ROBO2: variants seen among roughly 807,000 people sequenced by gnomAD.
The protein encoded by ROBO2 is roundabout homolog 2.
Under a neutral mutation model 160.8 loss-of-function variants are expected in ROBO2, and 53 were observed. The observed-to-expected ratio is 0.33, with a 90% CI of 0.26 to 0.41. The LOEUF (loss-of-function observed/expected upper bound fraction) is 0.41. Among genes scored for constraint, ROBO2 ranks in the 10% least tolerant of loss-of-function variants. The pLI, the probability that ROBO2 is intolerant of heterozygous loss-of-function variation, is 1.00. For missense variants in ROBO2, 1,577 were observed against 1,722.4 expected (o/e 0.92, Z 1.49); for synonymous variants, 664 against 611.7 (o/e 1.09, Z -1.26).
intron 2 of ROBO2, among the ~76,000 whole-genome samples, chr3:77,308,094 C>CTT (rs75267801): frequency 1.6e-4 from 22 of 136,744 alleles, no homozygotes; most frequent in African/African-American, 3.4e-4. Context: ...GGAGATATTT[C>CTT]TTTTTTTTTT....
intron 2 of ROBO2, among the ~76,000 whole-genome samples, chr3:77,226,036 C>A (rs1055267814): frequency 6.6e-6 from 1 of 151,920 alleles, no homozygotes; most frequent in African/African-American, 2.4e-5. Flanking sequence ...TGGAACATTA[C>A]TGGAATGAAA....
At chr3:77,253,473 T>C (rs1184408820) in intron 2 of ROBO2, among the ~76,000 whole-genome samples, 1 of 152,190 alleles carries the variant, frequency 6.6e-6, no homozygotes, top group Non-Finnish European at 1.5e-5. Context: ...AAAAATAATA[T>C]TAAATTTTAT....
At chr3:76,353,884 G>A (rs1003180140) in intron 2 of ROBO2, among the ~76,000 whole-genome samples, 2 of 151,860 alleles carry the variant, frequency 1.3e-5, no homozygotes, top group Non-Finnish European at 1.5e-5. Flanking sequence ...TGGGGCATTT[G>A]CAAATCTCAG....
chr3:76,302,742 T>A (rs1328499815), intron 2 of ROBO2, among the ~76,000 whole-genome samples: 1 of 152,154 alleles, frequency 6.6e-6, no homozygotes, highest in East Asian at 1.9e-4. Flanking sequence ...CGTAGCAAAC[T>A]ATACCATCTA....
intron 1 of ROBO2, among the ~76,000 whole-genome samples, chr3:75,914,323 G>A (rs1274866698): frequency 6.6e-6 from 1 of 152,054 alleles, no homozygotes; most frequent in Non-Finnish European, 1.5e-5. Flanking sequence ...GTTTACAGTT[G>A]TAGAAATTTC....
intron 2 of ROBO2, among the ~76,000 whole-genome samples, chr3:76,576,907 A>G (rs2085345236): frequency 6.6e-6 from 1 of 151,950 alleles, no homozygotes; most frequent in African/African-American, 2.4e-5. Flanking sequence ...GCACTTTCAC[A>G]TTTCCAGGGA....
chr3:76,984,221 A>G (rs969765221), intron 2 of ROBO2, among the ~76,000 whole-genome samples: 2 of 152,100 alleles, frequency 1.3e-5, no homozygotes, highest in Non-Finnish European at 2.9e-5. Context: ...CAGCCGAACC[A>G]TATCAGCTGG....
intron 2 of ROBO2, among the ~76,000 whole-genome samples, chr3:76,870,393 C>G (rs2071898513): frequency 6.6e-6 from 1 of 152,182 alleles, no homozygotes. Context: ...CCTCTGGAAT[C>G]TCTACTTTTA....
intron 20 of ROBO2, chr3:77,602,826 C>A: frequency 2.1e-6 from 1 of 471,238 alleles, no homozygotes; most frequent in Non-Finnish European, 4.2e-6. Flanking sequence ...AACATTCCTC[C>A]ACTCTCCCAC....
intron 2 of ROBO2, among the ~76,000 whole-genome samples, chr3:77,306,568 A>G (rs2063112648): frequency 6.6e-6 from 1 of 152,210 alleles, no homozygotes; most frequent in Non-Finnish European, 1.5e-5. Flanking sequence ...TGTCTTAAAG[A>G]GGTAAGTTCA....
chr3:76,700,544 C>G (rs1407716970), intron 2 of ROBO2, among the ~76,000 whole-genome samples: 1 of 152,102 alleles, frequency 6.6e-6, no homozygotes, highest in African/African-American at 2.4e-5. Context: ...AAGCTGGGCT[C>G]CGACAGTCTT....
intron 2 of ROBO2, among the ~76,000 whole-genome samples, chr3:76,974,150 G>T (rs192734222): frequency 1.3e-4 from 20 of 152,212 alleles, no homozygotes; most frequent in African/African-American, 4.8e-4. Context: ...GGACAACAAA[G>T]TGTGGCAATC....
intron 8 of ROBO2, among the ~76,000 whole-genome samples, chr3:77,554,100 C>T (rs970290507): frequency 2.6e-5 from 4 of 151,896 alleles, no homozygotes; most frequent in Non-Finnish European, 4.4e-5. Context: ...AACTGATGCT[C>T]ATTTACTATT....
chr3:76,972,026 C>T (rs1285499318), intron 2 of ROBO2, among the ~76,000 whole-genome samples: 1 of 152,180 alleles, frequency 6.6e-6, no homozygotes, highest in African/African-American at 2.4e-5. Flanking sequence ...GCATCTGGTA[C>T]TTAAGTTTCT....
At chr3:76,854,818 G>A (rs911438376) in intron 2 of ROBO2, among the ~76,000 whole-genome samples, 5 of 151,912 alleles carry the variant, frequency 3.3e-5, no homozygotes, top group African/African-American at 1.2e-4. Flanking sequence ...AAACTAAAGA[G>A]AAAAAAATTT....
intron 2 of ROBO2, among the ~76,000 whole-genome samples, chr3:76,532,146 G>A (rs2108070200): frequency 6.6e-6 from 1 of 152,200 alleles, no homozygotes; most frequent in East Asian, 1.9e-4. Flanking sequence ...CTCCCAATTA[G>A]ACCTTTCATT....
chr3:77,061,156 C>G (rs1283487456), intron 1 of ROBO2, among the ~76,000 whole-genome samples: 3 of 152,114 alleles, frequency 2.0e-5, no homozygotes, highest in African/African-American at 7.2e-5. Flanking sequence ...ATCACATACA[C>G]ATAACATACA....
intron 2 of ROBO2, among the ~76,000 whole-genome samples, chr3:77,102,346 A>G (rs2072077376): frequency 6.6e-6 from 1 of 152,068 alleles, no homozygotes; most frequent in Non-Finnish European, 1.5e-5. Flanking sequence ...ATGTTTAGAC[A>G]TACCTCTGGC....
At chr3:76,445,738 C>T (rs368199059) in intron 2 of ROBO2, among the ~76,000 whole-genome samples, 13 of 152,124 alleles carry the variant, frequency 8.5e-5, no homozygotes, top group African/African-American at 2.7e-4. Context: ...GTTCAACATA[C>T]GAAAATCAAT....
Sources: allele counts gnomAD v4.1 joint callset (sites outside exome capture counted in the v4.1 genomes callset), GRCh38; gene constraint gnomAD v4.1.1; transcripts MANE v1.5; gene names NCBI Gene and HGNC (gene_info 2026-07-23, HGNC 2026-07-21).